PDGFA: variants seen among roughly 807,000 people sequenced by gnomAD.
PDGFA encodes platelet-derived growth factor subunit A.
A neutral mutation model predicts 25.6 loss-of-function variants in PDGFA; 9 were observed. The observed-to-expected ratio is 0.35, with a 90% CI of 0.21 to 0.61. PDGFA has a LOEUF of 0.61. Among genes scored for constraint, PDGFA ranks in the 20% least tolerant of loss-of-function variants. The pLI, the probability that PDGFA is intolerant of heterozygous loss-of-function variation, is 0.75. For synonymous variants in PDGFA, 133 were observed against 111.8 expected, an observed-to-expected ratio of 1.19 and a Z score of -1.20; for missense variants, 242 against 272.8, an observed-to-expected ratio of 0.89 and a Z score of 0.79.
chr7:502,192 A>G (rs1379281100), intron 4 of PDGFA, among the ~76,000 whole-genome samples: 3 of 152,138 alleles, frequency 2.0e-5, no homozygotes, highest in Non-Finnish European at 4.4e-5. Context: ...ACTGCACTCC[A>G]GCCTGGGCAA....
At chr7:515,620 G>T (rs1035382198) in intron 2 of PDGFA, among the ~76,000 whole-genome samples, 1 of 152,148 alleles carries the variant, frequency 6.6e-6, no homozygotes, top group African/African-American at 2.4e-5. Flanking sequence ...GACACTAGGA[G>T]AATCCTATTC....
chr7:501,561 C>T (rs930548208), intron 4 of PDGFA, among the ~76,000 whole-genome samples: 6 of 152,138 alleles, frequency 3.9e-5, no homozygotes, highest in African/African-American at 1.4e-4. Flanking sequence ...CCTGTAAGCA[C>T]AGGCCACCAT....
Position 500,452 on chromosome 7 carries a change from G to A in PDGFA, c.580+664C>T, listed in dbSNP as rs537050707. 10 of 1,614,108 alleles carry A rather than the reference G, an allele frequency of 6.2e-6. No homozygotes were observed. The East Asian group carries it at 1.3e-4, about 22-fold the overall frequency. ...CTACCTGGTTGGCTGCTTTAGGTGGGTTTTAACCTTTTTCTTTTCCGTTTT... is the reference window on the plus strand; with the variant it reads ...CTACCTGGTTGGCTGCTTTAGGTGGATTTTAACCTTTTTCTTTTCCGTTTT... On this transcript the variant is annotated intron_variant, in intron 5 of 5. Coordinates refer to ENST00000402802, the Ensembl canonical transcript of PDGFA. This position sits in a 1 kb window ranked among gnomAD's most constrained non-coding sequence, Gnocchi z 5.0.
exon 6 of PDGFA, chr7:497,969 A>AAAAAAAAAAAAC (rs1583133471): frequency 1.5e-5 from 2 of 133,742 alleles, no homozygotes; most frequent in Non-Finnish European, 3.1e-5. Context: ...CAAAAAAAAA[A>AAAAAAAAAAAAC]AAAACAAAAC....
intron 2 of PDGFA, among the ~76,000 whole-genome samples, chr7:513,937 T>C (rs1474433760): frequency 6.6e-6 from 1 of 152,218 alleles, no homozygotes; most frequent in Non-Finnish European, 1.5e-5. Context: ...GAACTACTCA[T>C]GCAGTAAGAA....
intron 2 of PDGFA, among the ~76,000 whole-genome samples, chr7:515,845 T>C (rs1783064425): frequency 1.3e-5 from 2 of 151,964 alleles, no homozygotes; most frequent in Non-Finnish European, 2.9e-5. Flanking sequence ...GCTGCAATGC[T>C]AAAGGCGATA....
chr7:504,888 C>T (rs986540464), intron 4 of PDGFA, among the ~76,000 whole-genome samples: 10 of 152,212 alleles, frequency 6.6e-5, no homozygotes, highest in Non-Finnish European at 1.5e-4. Flanking sequence ...GGCCGGCCAC[C>T]GCGGGCGCGT....
chr7:503,640 C>A (rs1238899093), intron 4 of PDGFA, among the ~76,000 whole-genome samples: 3 of 152,172 alleles, frequency 2.0e-5, no homozygotes, highest in Non-Finnish European at 4.4e-5. Context: ...CACCCTGGGA[C>A]CAGGCAGGCT....
intron 2 of PDGFA, among the ~76,000 whole-genome samples, chr7:516,872 G>A (rs1407063227): frequency 6.6e-6 from 1 of 152,210 alleles, no homozygotes; most frequent in Non-Finnish European, 1.5e-5. Flanking sequence ...GGCTTCTGCA[G>A]CCACAGAGGC....
At chr7:511,635 AG>A (rs999464460) in intron 3 of PDGFA, among the ~76,000 whole-genome samples, 2 of 152,046 alleles carry the variant, frequency 1.3e-5, no homozygotes, top group African/African-American at 4.8e-5. Flanking sequence ...CAGCTCAGAG[AG>A]GGGGGTCCAC....
chr7:513,467 C>T (rs896930783), intron 2 of PDGFA: 4 of 152,178 alleles, frequency 2.6e-5, no homozygotes, highest in African/African-American at 9.7e-5. Context: ...GCCTCCTTGC[C>T]TTGGCCCCCT....
chr7:510,049 C>A (rs1451800275), intron 4 of PDGFA, among the ~76,000 whole-genome samples: 1 of 152,166 alleles, frequency 6.6e-6, no homozygotes, highest in Non-Finnish European at 1.5e-5. Flanking sequence ...ACCCCCTACT[C>A]CTCCTGCCAT....
At chr7:511,378 G>GCCA in intron 3 of PDGFA, among the ~76,000 whole-genome samples, 1 of 38,026 alleles carries the variant, frequency 2.6e-5, no homozygotes, top group Admixed American at 3.5e-4. Context: ...AGAGACTGGG[G>GCCA]GTGGCAGGGG....
intron 4 of PDGFA, among the ~76,000 whole-genome samples, chr7:505,446 C>T (rs62433322): frequency 0.2 from 30,581 of 152,172 alleles, 3,637 homozygotes; most frequent in East Asian, 0.37. Flanking sequence ...CCTGGGATGC[C>T]GAGTCCCTAC....
chr7:516,047 C>CT (rs1324188998), intron 2 of PDGFA, among the ~76,000 whole-genome samples: 1 of 68,234 alleles, frequency 1.5e-5, no homozygotes, highest in Non-Finnish European at 3.2e-5. Flanking sequence ...GCAGCCCCCC[C>CT]CCCCCACTTT....
chr7:512,734 G>A, intron 2 of PDGFA: 1 of 1,211,090 alleles, frequency 8.3e-7, no homozygotes, highest in East Asian at 3.7e-5. Context: ...GAAGCGCAGG[G>A]CCCTTCGGGG....
intron 4 of PDGFA, 97 bp from the exon 5 acceptor site, chr7:501,339 A>G (rs1359385899): frequency 6.7e-7 from 1 of 1,494,808 alleles, no homozygotes; most frequent in Non-Finnish European, 9.2e-7. Context: ...GGGAGGAGAG[A>G]GCAGCCTGAC....
upstream of PDGFA, chr7:520,222 C>A: frequency 4.4e-6 from 1 of 226,688 alleles, no homozygotes; most frequent in Non-Finnish European, 9.0e-6. Context: ...GCGGCGGCAG[C>A]GGGCAGCGCC....
intron 4 of PDGFA, among the ~76,000 whole-genome samples, chr7:507,426 C>T (rs1782608739): frequency 6.6e-6 from 1 of 152,226 alleles, no homozygotes; most frequent in Non-Finnish European, 1.5e-5. Context: ...CTGGCCCTCA[C>T]CCCCAACACT....
Sources: allele counts gnomAD v4.1 joint callset (sites outside exome capture counted in the v4.1 genomes callset), GRCh38; gene constraint gnomAD v4.1.1; non-coding constraint Gnocchi (gnomAD v3.1); transcripts MANE v1.5; gene names NCBI Gene and HGNC (gene_info 2026-07-23, HGNC 2026-07-21).